MYH10: variants seen among roughly 807,000 people sequenced by gnomAD.
MYH10 encodes myosin heavy chain 10.
A neutral mutation model predicts 257.8 loss-of-function variants in MYH10; 55 were observed. The observed-to-expected ratio is 0.21, with a 90% CI of 0.17 to 0.27. The LOEUF (loss-of-function observed/expected upper bound fraction) is 0.27, where lower values mean the gene tolerates loss of function less well. Ranked by LOEUF, MYH10 falls within the 10% of genes least tolerant of loss-of-function variation. MYH10 has a pLI of 1.00. For synonymous variants in MYH10, 854 were observed against 921.7 expected, an observed-to-expected ratio of 0.93 and a Z score of 1.33; for missense variants, 1,631 against 2,500.6, an observed-to-expected ratio of 0.65 and a Z score of 7.42.
At chr17:8,606,842 C>T (rs1467381499) in intron 2 of MYH10, among the ~76,000 whole-genome samples, 2 of 152,190 alleles carry the variant, frequency 1.3e-5, no homozygotes, top group Admixed American at 1.3e-4. Flanking sequence ...TGAGACTGTA[C>T]TAATTACTAT....
intron 40 of MYH10, 122 bp downstream of exon 40, chr17:8,479,988 A>C (rs1162985444): frequency 1.1e-6 from 1 of 897,352 alleles, no homozygotes; most frequent in African/African-American, 1.7e-5. Context: ...TCTGTGTCCC[A>C]CTCTGGTTAT....
chr17:8,571,123 C>A lies in MYH10; in HGVS notation c.664-1311G>T, dbSNP rs114094966. Among the ~76,000 whole-genome samples the A allele has an allele frequency of 5.3e-3, 802 of 151,686 alleles. 11 individuals are homozygous for A. The highest frequency in any genetic ancestry group is 0.018 in the African/African-American group (750 of 41,328). On this transcript the variant is annotated intron_variant, in intron 6 of 42. Transcript: ENST00000360416. ...ACAGTTTCCTCCCTGTACAACAAAT[C>A]TTCTGTTTTCCTCACTTCAAAACCC...
intron 4 of MYH10, among the ~76,000 whole-genome samples, chr17:8,586,409 A>G (rs1180646086): frequency 6.6e-6 from 1 of 152,246 alleles, no homozygotes; most frequent in East Asian, 1.9e-4. Flanking sequence ...CTGATGGATG[A>G]CAGACAGGAT....
At chr17:8,540,308 A>G (rs1214137207) in intron 14 of MYH10, among the ~76,000 whole-genome samples, 1 of 151,768 alleles carries the variant, frequency 6.6e-6, no homozygotes, top group African/African-American at 2.4e-5. Flanking sequence ...TACCTCACCT[A>G]TTTTTGCTTG....
At chr17:8,589,131 CAAAA>C (rs759489797) in intron 3 of MYH10, 23 bp from the exon 4 acceptor site, 2 of 1,602,952 alleles carry the variant, frequency 1.2e-6, no homozygotes, top group Non-Finnish European at 1.7e-6. Flanking sequence ...ACAAAACAAA[CAAAA>C]AAAAGAAAGT....
chr17:8,512,589 T>C lies in MYH10; in HGVS notation c.2814A>G (p.Glu938=), dbSNP rs1473293068. Residue 938 remains glutamate, a synonymous_variant, in exon 24 of 43, where the codon GAA becomes GAG. Coordinates refer to ENST00000360416, the MANE Select transcript of MYH10 (RefSeq NM_001256012.3). The part of the protein sequence containing the change: ...QAETELFAEA[E]EMRARLAAKK... ...TAGCAGCAAGTCTTGCCCTCATCTCTTCTGCTTCAGCAAAGAGCTCAGTCT... is the reference window on the plus strand; with the variant it reads ...TAGCAGCAAGTCTTGCCCTCATCTCCTCTGCTTCAGCAAAGAGCTCAGTCT... The C allele has an allele frequency of 1.2e-6, 2 of 1,613,654 alleles. No homozygotes were observed. The highest frequency in any genetic ancestry group is 2.2e-5 in the South Asian group (2 of 91,078).
In MYH10 at chr17:8,539,593, C is replaced by A. The variant is rs140084824; in HGVS notation, c.1605+2514G>T. Among the ~76,000 whole-genome samples the A allele has an allele frequency of 6.2e-3, 949 of 152,064 alleles. 12 individuals carry two copies. Among genetic ancestry groups the A allele is most frequent in the African/African-American group, 0.022 (915 of 41,466 alleles). On this transcript the variant is annotated intron_variant, in intron 14 of 42. Coordinates refer to ENST00000360416, the MANE Select transcript of MYH10 (RefSeq NM_001256012.3). The stretch of plus-strand genomic sequence containing the variant: ...GCCATAATTGAGGATTTAATAAATT[C>A]TTTTCTTTTTTTTTGAGATGGGGTC...
At chr17:8,610,413 A>AC (rs1392962814) in intron 2 of MYH10, among the ~76,000 whole-genome samples, 1 of 151,504 alleles carries the variant, frequency 6.6e-6, no homozygotes, top group East Asian at 1.9e-4. Context: ...ATATAGTGAG[A>AC]CCCCTATCTC....
At chr17:8,546,205 C>A (rs2082438551) in intron 12 of MYH10, among the ~76,000 whole-genome samples, 1 of 151,934 alleles carries the variant, frequency 6.6e-6, no homozygotes, top group Non-Finnish European at 1.5e-5. Context: ...ACTACAGGCG[C>A]ATGCCATCAC....
chr17:8,540,565 A>G (rs530346665), intron 14 of MYH10, among the ~76,000 whole-genome samples: 1 of 152,292 alleles, frequency 6.6e-6, no homozygotes, highest in East Asian at 1.9e-4. Context: ...AAAAATTAAG[A>G]CAGGTAATTT....
At position 8,481,315 on chromosome 17, in the gene MYH10, G is replaced by T; in HGVS notation, c.5264+7C>A. On this transcript the variant is annotated splice_region_variant and intron_variant, in intron 38 of 42. Coordinates refer to ENST00000360416, the MANE Select transcript of MYH10 (RefSeq NM_001256012.3). ...GAAGAACCCACCCCCGGCCGTGGGA[G>T]ACTCACTTGCCAGAGGCGCTGTTGG... 6.2e-7 allele frequency: 1 copy of T among 1,613,536 alleles called. No individual in the cohort carries two copies. The highest frequency in any genetic ancestry group is 1.1e-5 in the South Asian group (1 of 91,070).
intron 28 of MYH10, among the ~76,000 whole-genome samples, chr17:8,503,020 C>T (rs781488090): frequency 2.0e-5 from 3 of 152,190 alleles, no homozygotes; most frequent in Non-Finnish European, 2.9e-5. Flanking sequence ...CGGTGGCTCA[C>T]GCCTGTAATC....
At chr17:8,499,593 C>G in intron 29 of MYH10, 117 bp from the exon 30 acceptor site, 1 of 848,600 alleles carries the variant, frequency 1.2e-6, no homozygotes, top group Non-Finnish European at 1.9e-6. Flanking sequence ...TAGTCAACAT[C>G]TGTTGAATGA....
intron 3 of MYH10, among the ~76,000 whole-genome samples, chr17:8,602,579 C>T (rs984336921): frequency 6.6e-6 from 1 of 152,194 alleles, no homozygotes; most frequent in Non-Finnish European, 1.5e-5. Context: ...CCCCTACTTA[C>T]AAAATCAAAT....
At chr17:8,494,020 AGAT>A (rs1916182816) in intron 31 of MYH10, 135 bp from the exon 32 acceptor site, 2 of 959,390 alleles carry the variant, frequency 2.1e-6, no homozygotes, top group South Asian at 3.5e-5. Context: ...TAACAAACAC[AGAT>A]GATTTAAAAA....
intron 30 of MYH10, among the ~76,000 whole-genome samples, chr17:8,498,643 T>G (rs166563): frequency 0.042 from 6,445 of 151,994 alleles, 188 homozygotes; most frequent in Non-Finnish European, 0.065. Context: ...GTCAGGAGAT[T>G]GAGACCATCC....
In MYH10 at chr17:8,506,596, A is replaced by G; in HGVS notation, c.3215-107T>C. ...TTGAAAATAAGCCATTTTATTCAAA[A>G]GCATGTCACTGCCCTGATGACATGG... On this transcript the variant is annotated intron_variant, in intron 26 of 42. Transcript: ENST00000360416. This position sits in a 1 kb window ranked among gnomAD's most constrained non-coding sequence, Gnocchi z 5.0. 1 of 1,185,610 alleles carries G rather than the reference A, an allele frequency of 8.4e-7. No individual in the cohort carries two copies. The highest frequency in any genetic ancestry group is 2.4e-5 in the East Asian group (1 of 41,488). 73.4% of individuals were successfully genotyped at this position (1,185,610 alleles called of 1,614,324 possible).
chr17:8,518,560 G>T, intron 21 of MYH10, 71 bp downstream of exon 21: 1 of 1,510,074 alleles, frequency 6.6e-7, no homozygotes, highest in Non-Finnish European at 9.0e-7. Context: ...TTGCACCCCA[G>T]GTCAAAATGC....
Position 8,545,718 on chromosome 17 carries a change from C to T in MYH10, c.1279-118G>A. ...AAAAAACCTGAGATGGCATTCACTG[C>T]TTAATCATGTCTCAATTTTACACAT... On this transcript the variant is annotated intron_variant, in intron 12 of 42. Coordinates refer to ENST00000360416, the MANE Select transcript of MYH10 (RefSeq NM_001256012.3). This position sits in a 1 kb window ranked among gnomAD's most constrained non-coding sequence, Gnocchi z 4.7. 1.1e-6 allele frequency: 1 copy of T among 921,956 alleles called. No homozygotes were observed. Among genetic ancestry groups the T allele is most frequent in the African/African-American group, 1.7e-5 (1 of 59,676 alleles). The allele number at this position is 921,956 out of a possible 1,614,324, so 57.1% of individuals were successfully genotyped here. A position where few individuals can be genotyped will look rare whatever the true frequency, so the allele number is the denominator to read the frequency against.
Sources: gnomAD v4.1 joint callset for allele counts (sites outside exome capture counted in the v4.1 genomes callset) on GRCh38, gnomAD v4.1.1 for gene constraint, Gnocchi (gnomAD v3.1) non-coding constraint, MANE v1.5 for transcripts, NCBI Gene and HGNC (gene_info 2026-07-23, HGNC 2026-07-21) for gene names.